Variants in UBE2J2 observed in about 807,000 individuals in gnomAD.
UBE2J2 encodes ubiquitin conjugating enzyme E2 J2, also known as ubiquitin-conjugating enzyme E2 J2.
In UBE2J2, 5 loss-of-function variants were observed where a neutral mutation model predicts 28.6. The ratio of observed to expected loss-of-function variants is 0.17; its 90% CI spans 0.09 to 0.37. The LOEUF is 0.37. Among genes scored for constraint, UBE2J2 ranks in the 10% least tolerant of loss-of-function variants. UBE2J2 has a pLI of 1.00. For synonymous variants in UBE2J2, 138 were observed against 139.7 expected (o/e 0.99, Z 0.09); for missense variants, 226 against 338.9 (o/e 0.67, Z 2.62).
At chr1:1,266,992 G>A (rs1056117090) in intron 2 of UBE2J2, among the ~76,000 whole-genome samples, 13 of 151,922 alleles carry the variant, frequency 8.6e-5, no homozygotes, top group East Asian at 1.9e-4. Context: ...GGGTTCAAGC[G>A]ATTCTCCTGC....
At position 1,255,406 on chromosome 1, in the gene UBE2J2, C is replaced by G. The variant is rs147742881; in HGVS notation, c.577G>C (p.Gly193Arg). The G allele has an allele frequency of 1.2e-6, 2 of 1,613,816 alleles. No individual in the cohort carries two copies. The highest frequency in any genetic ancestry group is 1.7e-6 in the Non-Finnish European group (2 of 1,180,042). Reference protein sequence around the residue: ...TLPLPDVVPDGETHLVQNGIQ... With the variant: ...TLPLPDVVPDRETHLVQNGIQ... The stretch of plus-strand genomic sequence containing the variant: ...CCGTTCTGGACGAGGTGCGTCTCCC[C>G]GTCTGGAACCACGTCTGGCAAGGGG... Residue 193 changes from glycine to arginine, a missense_variant, in exon 7 of 7, where the codon GGG becomes CGG. Transcript: ENST00000349431.
At chr1:1,263,129 C>T (rs1326173003) in intron 3 of UBE2J2, 29 of 543,020 alleles carry the variant, frequency 5.3e-5, no homozygotes, top group East Asian at 3.3e-4. Context: ...TGAACACAGA[C>T]GCTACAGGCG....
At chr1:1,273,545 G>A (rs528416285) in intron 1 of UBE2J2, 121 bp downstream of exon 1, 46 of 152,036 alleles carry the variant, frequency 3.0e-4, no homozygotes, top group African/African-American at 1.1e-3. Context: ...CGCGGGCGGC[G>A]GGCGCGAACG....
In UBE2J2 at chr1:1,267,864, C is replaced by T; in HGVS notation, c.129G>A (p.Glu43=). ...CAEPLPSNIL[E]WHYVVRGPEM... is the part of the protein sequence containing the mutation. ...CGATCAGTGGCGCGGAGCCTTACCA[C>T]TCGAGAATATTCGAAGGGAGGGGCT... Residue 43 remains glutamate (E), a splice_region_variant and synonymous_variant, in exon 2 of 7, where the codon GAG becomes GAA. Transcript: ENST00000349431. 2.5e-6 allele frequency: 4 copies of T among 1,613,976 alleles called. No homozygotes were observed. Among genetic ancestry groups the T allele is most frequent in the Non-Finnish European group, 3.4e-6 (4 of 1,179,884 alleles).
In UBE2J2 at chr1:1,268,169, C is replaced by G. The variant is rs917338739; in HGVS notation, c.1-177G>C. 6.6e-6 allele frequency among the ~76,000 whole-genome samples: 1 copy of G among 152,140 alleles called. No homozygotes were observed. The highest frequency in any genetic ancestry group is 6.5e-5 in the Admixed American group (1 of 15,272). The stretch of plus-strand genomic sequence containing the variant: ...CCCGCCCAGACACCCAGAGGCCCTG[C>G]GGCTTCTCTCTTCCCGTCTGTCCCG... On this transcript the variant is annotated intron_variant, in intron 1 of 6. Transcript: ENST00000349431. This position sits in a 1 kb window ranked among gnomAD's most constrained non-coding sequence, Gnocchi z 4.7.
intron 6 of UBE2J2, 144 bp from the exon 7 acceptor site, chr1:1,255,631 G>A (rs942887645): frequency 7.6e-6 from 8 of 1,047,242 alleles, no homozygotes; most frequent in Admixed American, 5.5e-5. Flanking sequence ...CACAGGTGAG[G>A]GCCCGAGCGT....
chr1:1,266,578 C>T (rs974156487), intron 2 of UBE2J2, among the ~76,000 whole-genome samples: 14 of 151,978 alleles, frequency 9.2e-5, no homozygotes, highest in Admixed American at 2.0e-4. Flanking sequence ...TCCCAGCATT[C>T]TGGGAGGCCA....
intron 1 of UBE2J2, among the ~76,000 whole-genome samples, chr1:1,271,867 G>A (rs898621941): frequency 1.3e-5 from 2 of 151,342 alleles, no homozygotes; most frequent in African/African-American, 2.4e-5. Flanking sequence ...CCAGCTACTC[G>A]GGTGACTGAG....
At chr1:1,256,189 CAG>C (rs1304491367) in intron 5 of UBE2J2, 64 bp from the exon 6 acceptor site, 2 of 1,263,152 alleles carry the variant, frequency 1.6e-6, no homozygotes, top group African/African-American at 3.0e-5. Flanking sequence ...ATTCTAAAAA[CAG>C]ATGATTTCAA....
chr1:1,256,943 C>T, intron 5 of UBE2J2, 49 bp downstream of exon 5: 1 of 1,408,762 alleles, frequency 7.1e-7, no homozygotes, highest in Non-Finnish European at 9.3e-7. Context: ...GAGAACAGCC[C>T]CCCAGACACA....
intron 2 of UBE2J2, among the ~76,000 whole-genome samples, chr1:1,266,608 T>C (rs914048202): frequency 1.3e-5 from 2 of 151,618 alleles, no homozygotes; most frequent in Non-Finnish European, 2.9e-5. Context: ...GATCACGAGG[T>C]CAGGAGATCA....
At chr1:1,261,983 G>A (rs912604493) in intron 3 of UBE2J2, among the ~76,000 whole-genome samples, 16 of 152,168 alleles carry the variant, frequency 1.1e-4, no homozygotes, top group East Asian at 3.9e-4. Context: ...TCAGCCTCCC[G>A]AGTAGCTGGG....
At chr1:1,255,904 C>T in intron 6 of UBE2J2, 141 bp downstream of exon 6, 1 of 708,476 alleles carries the variant, frequency 1.4e-6, no homozygotes, top group South Asian at 1.7e-5. Flanking sequence ...TCTGCCTCCC[C>T]TGCCTCGGGG....
intron 3 of UBE2J2, among the ~76,000 whole-genome samples, chr1:1,262,569 C>A (rs184211762): frequency 3.2e-4 from 49 of 152,370 alleles, no homozygotes; most frequent in Non-Finnish European, 5.9e-4. Context: ...CCTCCACACA[C>A]AGGCAAACAG....
intron 3 of UBE2J2, among the ~76,000 whole-genome samples, chr1:1,259,600 T>C (rs975996598): frequency 1.3e-5 from 2 of 152,194 alleles, no homozygotes; most frequent in African/African-American, 2.4e-5. Flanking sequence ...TAGGCTGGAC[T>C]TTCTCTGACC....
At chr1:1,265,971 T>C (rs1639836529) in intron 2 of UBE2J2, 2 of 1,082,372 alleles carry the variant, frequency 1.8e-6, no homozygotes, top group Non-Finnish European at 2.5e-6. Context: ...TCTTTGTGAA[T>C]CATCGAACCT....
At chr1:1,261,655 T>C (rs973627115) in intron 3 of UBE2J2, among the ~76,000 whole-genome samples, 5 of 151,554 alleles carry the variant, frequency 3.3e-5, no homozygotes, top group African/African-American at 1.2e-4. Context: ...ATTTTGGTTT[T>C]TTTTTTTTTT....
intron 6 of UBE2J2, 71 bp downstream of exon 6, chr1:1,255,974 C>A: frequency 8.8e-7 from 1 of 1,142,650 alleles, no homozygotes. Flanking sequence ...ACAGATTTTA[C>A]TCTTTGGAAA....
At chr1:1,265,072 C>T (rs1639770828) in intron 2 of UBE2J2, among the ~76,000 whole-genome samples, 1 of 152,204 alleles carries the variant, frequency 6.6e-6, no homozygotes, top group African/African-American at 2.4e-5. Context: ...TGTGGCCTTA[C>T]GTTGTTACTG....
Sources: gnomAD v4.1 joint callset for allele counts (sites outside exome capture counted in the v4.1 genomes callset) on GRCh38, gnomAD v4.1.1 for gene constraint, Gnocchi (gnomAD v3.1) non-coding constraint, MANE v1.5 for transcripts, NCBI Gene and HGNC (gene_info 2026-07-23, HGNC 2026-07-21) for gene names.